Variants in KIF5C observed in about 807,000 individuals in gnomAD.
KIF5C encodes kinesin heavy chain isoform 5C.
A neutral mutation model predicts 125.2 loss-of-function variants in KIF5C; 18 were observed. That is an observed-to-expected ratio of 0.14 (90% CI 0.10 to 0.21). KIF5C has a LOEUF of 0.21. Ranked by LOEUF, KIF5C falls within the 10% of genes least tolerant of loss-of-function variation. KIF5C has a pLI of 1.00. For missense variants in KIF5C, 780 were observed against 1,183.8 expected (o/e 0.66, Z 5.01); for synonymous variants, 405 against 434.0 (o/e 0.93, Z 0.83).
Position 149,005,558 on chromosome 2 carries a change from G to A in KIF5C, c.2445+94G>A. 7 of 1,522,984 alleles carry A rather than the reference G, an allele frequency of 4.6e-6. No individual in the cohort carries two copies. The East Asian group carries it at 7.2e-5, about 16-fold the overall frequency. 94.3% of individuals were successfully genotyped at this position (1,522,984 alleles called of 1,614,324 possible). A position where few individuals can be genotyped will look rare whatever the true frequency, so the allele number is the denominator to read the frequency against. ...TGAAATATCACTTGCTTAAGTCGGG[G>A]CTGGTTATGCTTAAAAATTAATTAC... On this transcript the variant is annotated intron_variant, in intron 22 of 25. Transcript: ENST00000435030.
In KIF5C at chr2:148,875,564, T is replaced by TA; in HGVS notation, c.-54_-53insA. On this transcript the variant is annotated 5_prime_UTR_variant, in exon 1 of 26. Coordinates refer to ENST00000435030, the MANE Select transcript of KIF5C (RefSeq NM_004522.3). Reference sequence around the variant, plus strand: ...AGCTCGCGGCCTCCTCCCTCGTCGTTCCCGGCCCCGGCCCCCCACCCATCC... The same window carrying TA: ...AGCTCGCGGCCTCCTCCCTCGTCGTTACCCGGCCCCGGCCCCCCACCCATCC... The TA allele has an allele frequency of 2.0e-6, 2 of 999,382 alleles. No homozygotes were observed. The highest frequency in any genetic ancestry group is 1.5e-6 in the Non-Finnish European group (1 of 653,544). The allele number at this position is 999,382 out of a possible 1,614,324, so 61.9% of individuals were successfully genotyped here.
intron 11 of KIF5C, among the ~76,000 whole-genome samples, chr2:148,964,633 G>T (rs187333522): frequency 6.6e-6 from 1 of 152,178 alleles, no homozygotes; most frequent in Non-Finnish European, 1.5e-5. Flanking sequence ...TGAGAAGCCA[G>T]TGAAGGGTTC....
intron 21 of KIF5C, among the ~76,000 whole-genome samples, chr2:149,002,988 A>G (rs1427793907): frequency 4.0e-5 from 6 of 151,808 alleles, no homozygotes; most frequent in Admixed American, 2.0e-4. Context: ...TTCCATGCGC[A>G]CCCTCCCAGG....
intron 7 of KIF5C, among the ~76,000 whole-genome samples, chr2:148,944,672 G>A (rs375113522): frequency 4.3e-4 from 65 of 152,188 alleles, no homozygotes; most frequent in African/African-American, 1.1e-3. Context: ...TGGAATTTTC[G>A]GATCTCATGG....
chr2:148,914,609 G>C (rs1180923859), intron 1 of KIF5C, among the ~76,000 whole-genome samples: 1 of 152,272 alleles, frequency 6.6e-6, no homozygotes, highest in Non-Finnish European at 1.5e-5. Context: ...ACGTGAAGTG[G>C]TTGGCATTGC....
chr2:148,892,584 C>T (rs1181046532), intron 1 of KIF5C, among the ~76,000 whole-genome samples: 1 of 152,138 alleles, frequency 6.6e-6, no homozygotes, highest in Non-Finnish European at 1.5e-5. Flanking sequence ...CTGTGATTTC[C>T]ATCTGAAAGG....
At chr2:148,947,548 C>T (rs1484286972) in intron 8 of KIF5C, 1 of 230,188 alleles carries the variant, frequency 4.3e-6, no homozygotes, top group Non-Finnish European at 8.7e-6. Context: ...CCTTGGCTCT[C>T]TCATGAAGTG....
Position 148,950,331 on chromosome 2 carries a change from C to T in KIF5C, c.837C>T (p.Tyr279=). The stretch of plus-strand genomic sequence containing the variant: ...CTAAATAGAAAACACATGTGCCATA[C>T]CGGGACAGCAAGATGACTCGGATTC... ...LAEGTKTHVP[Y]RDSKMTRILQ... is the part of the protein sequence containing the mutation. The change falls in exon 10 of 26, where the codon TAC becomes TAT. Residue 279 remains tyrosine, a synonymous_variant. Transcript: ENST00000435030. The T allele has an allele frequency of 1.9e-6, 3 of 1,613,946 alleles. No individual in the cohort carries two copies. Among genetic ancestry groups the T allele is most frequent in the Non-Finnish European group, 2.5e-6 (3 of 1,179,834 alleles).
intron 21 of KIF5C, among the ~76,000 whole-genome samples, chr2:149,002,733 T>C (rs1221340384): frequency 1.3e-5 from 2 of 152,086 alleles, no homozygotes; most frequent in East Asian, 1.9e-4. Flanking sequence ...TTCACACCCG[T>C]CACTCATACA....
intron 6 of KIF5C, among the ~76,000 whole-genome samples, chr2:148,942,268 T>C (rs1433972575): frequency 6.6e-6 from 1 of 152,228 alleles, no homozygotes; most frequent in Non-Finnish European, 1.5e-5. Flanking sequence ...ATTATAGCAT[T>C]ATCTGTGGAA....
At chr2:149,018,864 T>TTA (rs141821536) in intron 25 of KIF5C, among the ~76,000 whole-genome samples, 239 of 150,128 alleles carry the variant, frequency 1.6e-3, no homozygotes, top group African/African-American at 4.5e-3. Flanking sequence ...ATCAATGAGT[T>TTA]TATATATATA....
At chr2:148,930,723 T>C (rs1367692345) in intron 3 of KIF5C, among the ~76,000 whole-genome samples, 1 of 152,198 alleles carries the variant, frequency 6.6e-6, no homozygotes, top group African/African-American at 2.4e-5. Flanking sequence ...CTTTCACCTG[T>C]TTTGCTGAAG....
intron 25 of KIF5C, among the ~76,000 whole-genome samples, 176 bp downstream of exon 25, chr2:149,011,859 C>G (rs1426456078): frequency 1.3e-5 from 2 of 152,230 alleles, no homozygotes; most frequent in Non-Finnish European, 2.9e-5. Flanking sequence ...GTCCAGAGCC[C>G]TGGGGTCTTC....
intron 1 of KIF5C, chr2:148,878,935 C>T (rs1021049031): frequency 2.0e-5 from 3 of 152,068 alleles, no homozygotes; most frequent in Admixed American, 6.5e-5. Flanking sequence ...GTCATTTTTT[C>T]CCTTAAAGTT....
chr2:148,932,747 G>C (rs1211529730), intron 3 of KIF5C, among the ~76,000 whole-genome samples: 3 of 152,290 alleles, frequency 2.0e-5, no homozygotes, highest in Admixed American at 2.0e-4. Context: ...AGGCTTCCCA[G>C]CCGTCCCGCC....
chr2:149,005,078 G>A (rs1472641516), intron 21 of KIF5C, among the ~76,000 whole-genome samples: 3 of 152,218 alleles, frequency 2.0e-5, no homozygotes, highest in Non-Finnish European at 4.4e-5. Context: ...ACATAGCCCA[G>A]TAGGAATTTT....
chr2:148,947,810 C>G, intron 8 of KIF5C: 1 of 446,978 alleles, frequency 2.2e-6, no homozygotes, highest in Non-Finnish European at 4.5e-6. Flanking sequence ...ACAATGCCCT[C>G]TGGCCTCCAT....
At chr2:149,011,955 C>T (rs987558237) in intron 25 of KIF5C, among the ~76,000 whole-genome samples, 2 of 152,174 alleles carry the variant, frequency 1.3e-5, no homozygotes, top group African/African-American at 2.4e-5. Flanking sequence ...GTGATTCAGC[C>T]GAGCTTTGTT....
chr2:148,941,553 G>A (rs868005465), intron 4 of KIF5C, 57 bp from the exon 5 acceptor site: 2 of 1,546,798 alleles, frequency 1.3e-6, no homozygotes, highest in Admixed American at 2.0e-5. Flanking sequence ...ACTAATAATG[G>A]CATTTTTGAA....
Sources: allele counts gnomAD v4.1 joint callset (sites outside exome capture counted in the v4.1 genomes callset), GRCh38; gene constraint gnomAD v4.1.1; transcripts MANE v1.5; gene names NCBI Gene and HGNC (gene_info 2026-07-23, HGNC 2026-07-21).